The following LCTL variants were observed in gnomAD, a reference collection of about 807,000 sequenced individuals.
LCTL encodes lactase like.
A neutral mutation model predicts 75.8 loss-of-function variants in LCTL; 76 were observed. The observed-to-expected ratio is 1.00, with a 90% CI of 0.83 to 1.21. The LOEUF (loss-of-function observed/expected upper bound fraction) is 1.21. Among genes scored for constraint, LCTL ranks in the 50% most tolerant of loss-of-function variants. LCTL has a pLI of 0.00. For synonymous variants in LCTL, 271 were observed against 268.8 expected, an observed-to-expected ratio of 1.01 and a Z score of -0.08; for missense variants, 670 against 712.4, an observed-to-expected ratio of 0.94 and a Z score of 0.68.
intron 6 of LCTL, among the ~76,000 whole-genome samples, chr15:66,558,727 G>C (rs566008115): frequency 7.3e-6 from 1 of 137,742 alleles, no homozygotes; most frequent in African/African-American, 2.7e-5. Flanking sequence ...ATGGAGTCTC[G>C]CTCTGTGGCC....
At chr15:66,555,482 A>G (rs1315195447) in intron 8 of LCTL, among the ~76,000 whole-genome samples, 1 of 152,058 alleles carries the variant, frequency 6.6e-6, no homozygotes, top group African/African-American at 2.4e-5. Context: ...CAGAGGTTGC[A>G]GTGAGCCGAG....
rs1163022765 is a variant in LCTL at position 66,558,669 on chromosome 15, T to TTG, written c.706-635_706-634dup. The stretch of plus-strand genomic sequence containing the variant: ...AGCGGGGCCCAAGAATCTGTGGTTT[T>TTG]TGTGTGTGTGTGTGTGTGTTTTTTT... On this transcript the variant is annotated intron_variant, in intron 6 of 12. Transcript: ENST00000341509. Among the ~76,000 whole-genome samples, 338 of 137,790 alleles carry TTG rather than the reference T, an allele frequency of 2.5e-3. 7 individuals carry two copies. Among genetic ancestry groups the TTG allele is most frequent in the Middle Eastern group, 3.7e-3 (1 of 272 alleles). The allele number at this position is 137,790 out of a possible 152,430, so 90.4% of individuals were successfully genotyped here.
intron 8 of LCTL, among the ~76,000 whole-genome samples, chr15:66,556,543 G>T (rs1165746278): frequency 3.3e-5 from 5 of 152,178 alleles, no homozygotes; most frequent in African/African-American, 1.2e-4. Context: ...GACCTCAGGT[G>T]ATCTGCCCAC....
At chr15:66,564,639 G>A (rs535746709) in intron 2 of LCTL, 37 bp downstream of exon 3, 235 of 1,577,618 alleles carry the variant, frequency 1.5e-4, no homozygotes, top group Admixed American at 2.6e-4. Context: ...GTGTGTGCAC[G>A]CGCGCGCACA....
At chr15:66,550,795 C>G (rs906703309) in intron 11 of LCTL, among the ~76,000 whole-genome samples, 1 of 152,002 alleles carries the variant, frequency 6.6e-6, no homozygotes, top group Admixed American at 6.6e-5. Context: ...CTCGAGATTA[C>G]AGTTTATATT....
intron 2 of LCTL, 43 bp from the exon 4 acceptor site, chr15:66,564,041 G>A (rs1380247452): frequency 1.5e-6 from 2 of 1,316,314 alleles, no homozygotes. Flanking sequence ...TGGGCCCTGG[G>A]TATGGGAGGT....
At chr15:66,558,983 A>G (rs1895815101) in intron 6 of LCTL, among the ~76,000 whole-genome samples, 1 of 151,690 alleles carries the variant, frequency 6.6e-6, no homozygotes, top group Non-Finnish European at 1.5e-5. Context: ...GGCATGAGCC[A>G]CTGTGCCTGG....
At chr15:66,560,860 C>T in intron 6 of LCTL, 146 bp downstream of exon 7, 1 of 670,724 alleles carries the variant, frequency 1.5e-6, no homozygotes, top group South Asian at 1.9e-5. Context: ...CAGAACACGC[C>T]CTCCATAAAT....
intron 4 of LCTL, among the ~76,000 whole-genome samples, chr15:66,562,002 C>G (rs530454522): frequency 3.3e-5 from 5 of 152,230 alleles, no homozygotes; most frequent in African/African-American, 1.2e-4. Flanking sequence ...GCTTGCCCAG[C>G]TTCCCCCTCT....
At chr15:66,565,461 C>T (rs2140857270) in exon 1 of LCTL, 1 of 728,400 alleles carries the variant, frequency 1.4e-6, no homozygotes, top group East Asian at 2.8e-5. Flanking sequence ...GGGCAAAGGC[C>T]AAGTGGGGAG....
In LCTL at chr15:66,564,795, C is replaced by T. The variant is rs1392515852; in HGVS notation, c.163G>A (p.Ala55Thr). Residue 55 changes from alanine to threonine, a missense_variant, in exon 2 of 13, where the codon GCC (alanine) becomes ACC (threonine). Coordinates refer to ENST00000341509, the Ensembl canonical transcript of LCTL. Reference sequence around the variant, plus strand: ...GGCCCTTTCCCGTCCTGGTCCCAGGCGCCCTCCGTCTGGTAGGCAGAACTG... The same window carrying T: ...GGCCCTTTCCCGTCCTGGTCCCAGGTGCCCTCCGTCTGGTAGGCAGAACTG... 47 of 1,613,326 alleles carry T rather than the reference C, an allele frequency of 2.9e-5. 1 individual carries two copies. The highest frequency in any genetic ancestry group is 1.8e-4 in the East Asian group (8 of 44,864).
At chr15:66,549,506 T>C (rs1171272746) in intron 12 of LCTL, 1 of 152,252 alleles carries the variant, frequency 6.6e-6, no homozygotes, top group African/African-American at 2.4e-5. Context: ...TGGCATTTCT[T>C]GATGCATAGT....
intron 6 of LCTL, among the ~76,000 whole-genome samples, chr15:66,560,280 C>T (rs76312609): frequency 0.032 from 4,820 of 152,208 alleles, 246 homozygotes; most frequent in African/African-American, 0.11. Context: ...GGGCCAATCC[C>T]GCATGCCTCG....
chr15:66,552,815 T>C (rs1895642235), intron 9 of LCTL, among the ~76,000 whole-genome samples, 169 bp downstream of exon 10: 1 of 152,210 alleles, frequency 6.6e-6, no homozygotes, highest in African/African-American at 2.4e-5. Context: ...TGCAAATGGT[T>C]ATGCATGGTA....
intron 7 of LCTL, 40 bp from the exon 9 acceptor site, chr15:66,557,923 T>A (rs1049032541): frequency 2.6e-5 from 42 of 1,610,162 alleles, no homozygotes; most frequent in Non-Finnish European, 3.4e-5. Context: ...GGAGTGGGCA[T>A]GCCATTGCTG....
intron 1 of LCTL, 83 bp from the exon 3 acceptor site, chr15:66,564,922 T>C (rs1483667297): frequency 1.2e-5 from 16 of 1,355,238 alleles, no homozygotes; most frequent in Non-Finnish European, 1.6e-5. Flanking sequence ...CTCCCAGGCC[T>C]CAGGGACTGC....
At chr15:66,556,261 A>T (rs1172335369) in intron 8 of LCTL, among the ~76,000 whole-genome samples, 1 of 152,164 alleles carries the variant, frequency 6.6e-6, no homozygotes, top group Non-Finnish European at 1.5e-5. Context: ...GTGTCTATTG[A>T]TGGATGAATG....
chr15:66,564,566 A>G, intron 2 of LCTL, 110 bp downstream of exon 3: 1 of 1,264,204 alleles, frequency 7.9e-7, no homozygotes, highest in South Asian at 1.4e-5. Flanking sequence ...CATGGGGATG[A>G]CATTGTCATC....
chr15:66,563,968 C>T (rs139752404), exon 3 of LCTL: 37 of 1,613,886 alleles, frequency 2.3e-5, no homozygotes, highest in East Asian at 8.9e-5. Flanking sequence ...TAGTGGTTGA[C>T]GTGCAGTTCC....
Sources: allele counts gnomAD v4.1 joint callset (sites outside exome capture counted in the v4.1 genomes callset), GRCh38; gene constraint gnomAD v4.1.1; transcripts MANE v1.5; gene names NCBI Gene and HGNC (gene_info 2026-07-23, HGNC 2026-07-21).